Variants in SCAF8 observed in about 807,000 individuals in gnomAD.
SCAF8 encodes SR-related and CTD-associated factor 8.
Under a neutral mutation model 140.5 loss-of-function variants are expected in SCAF8, and 23 were observed. The ratio of observed to expected loss-of-function variants is 0.16; its 90% CI spans 0.12 to 0.23. The LOEUF (loss-of-function observed/expected upper bound fraction) is 0.23. Ranked by LOEUF, SCAF8 falls within the 10% of genes least tolerant of loss-of-function variation. The pLI, the probability that SCAF8 is intolerant of heterozygous loss-of-function variation, is 1.00. For synonymous variants in SCAF8, 575 were observed against 528.9 expected, an observed-to-expected ratio of 1.09 and a Z score of -1.20; for missense variants, 1,397 against 1,555.7, an observed-to-expected ratio of 0.90 and a Z score of 1.72.
At chr6:154,736,265 CTTTTTTTTTT>C (rs71021071) in intron 1 of SCAF8, among the ~76,000 whole-genome samples, 5 of 78,442 alleles carry the variant, frequency 6.4e-5, no homozygotes, top group South Asian at 4.8e-4. Context: ...CCATCCAAGA[CTTTTTTTTTT>C]TTTTTTTTTT....
chr6:154,828,988 T>G (rs2114693185), intron 18 of SCAF8, among the ~76,000 whole-genome samples: 1 of 150,882 alleles, frequency 6.6e-6, no homozygotes, highest in African/African-American at 2.5e-5. Flanking sequence ...AAGATTTTTC[T>G]GCCACTTTTT....
At position 154,794,779 on chromosome 6, in the gene SCAF8, GGGTGTGT is replaced by G. The variant is rs1777544209; in HGVS notation, c.476-228_476-222del. Among the ~76,000 whole-genome samples, 6 of 26,378 alleles carry G rather than the reference GGGTGTGT, an allele frequency of 2.3e-4. 1 individual carries two copies. Among genetic ancestry groups the G allele is most frequent in the African/African-American group, 5.4e-4 (3 of 5,602 alleles). The allele number at this position is 26,378 out of a possible 152,430, so 17.3% of individuals were successfully genotyped here. On this transcript the variant is annotated intron_variant, in intron 5 of 19. Coordinates refer to ENST00000367178, the MANE Select transcript of SCAF8 (RefSeq NM_014892.5). The stretch of plus-strand genomic sequence containing the variant: ...TTTGGTGGGGGGGGGGGGGTGTGGG[GGGTGTGT>G]GTGTGTGTGTGTGTGTGTGTGTGTG...
At chr6:154,783,351 C>T (rs1325655651) in intron 3 of SCAF8, among the ~76,000 whole-genome samples, 5 of 152,060 alleles carry the variant, frequency 3.3e-5, no homozygotes, top group Admixed American at 3.3e-4. Flanking sequence ...CAGTGAAATA[C>T]ATTCTATGGT....
intron 1 of SCAF8, among the ~76,000 whole-genome samples, chr6:154,760,838 C>T (rs976934774): frequency 7.9e-5 from 12 of 152,144 alleles, no homozygotes; most frequent in African/African-American, 1.7e-4. Flanking sequence ...GGCTGGAGTG[C>T]AGTGGCATGG....
At chr6:154,812,102 TAAAA>T (rs980887931) in intron 12 of SCAF8, among the ~76,000 whole-genome samples, 1 of 150,528 alleles carries the variant, frequency 6.6e-6, no homozygotes, top group Non-Finnish European at 1.5e-5. Flanking sequence ...AGCACGTGAA[TAAAA>T]AACGCATAAC....
intron 4 of SCAF8, among the ~76,000 whole-genome samples, chr6:154,791,945 A>C (rs1777431969): frequency 6.6e-6 from 1 of 152,074 alleles, no homozygotes; most frequent in Admixed American, 6.6e-5. Context: ...AAGAAGAGTA[A>C]ATGAGATGGT....
chr6:154,748,713 G>T (rs769002877), intron 1 of SCAF8, among the ~76,000 whole-genome samples: 4 of 152,162 alleles, frequency 2.6e-5, no homozygotes, highest in Non-Finnish European at 4.4e-5. Flanking sequence ...GTTTTTAGAA[G>T]CCTGTCTCTG....
intron 16 of SCAF8, among the ~76,000 whole-genome samples, chr6:154,822,689 G>A (rs890669162): frequency 1.1e-4 from 17 of 152,104 alleles, no homozygotes; most frequent in African/African-American, 3.4e-4. Flanking sequence ...TTTCTGAGGA[G>A]TCAAATTGAT....
intron 4 of SCAF8, among the ~76,000 whole-genome samples, chr6:154,789,460 C>G (rs1254435587): frequency 6.6e-6 from 1 of 151,928 alleles, no homozygotes; most frequent in Non-Finnish European, 1.5e-5. Flanking sequence ...CTTGAATATA[C>G]TCCTTGAGAC....
chr6:154,773,425 C>G (rs530031960), intron 1 of SCAF8, among the ~76,000 whole-genome samples: 1 of 152,190 alleles, frequency 6.6e-6, no homozygotes, highest in East Asian at 1.9e-4. Context: ...CGAATAGATA[C>G]ATTTGTTTAC....
chr6:154,818,464 A>G lies in SCAF8; in HGVS notation c.1522-15A>G. The G allele has an allele frequency of 6.7e-7, 1 of 1,498,504 alleles. No individual in the cohort carries two copies. Among genetic ancestry groups the G allele is most frequent in the South Asian group, 1.2e-5 (1 of 81,328 alleles). The allele number at this position is 1,498,504 out of a possible 1,614,324, so 92.8% of individuals were successfully genotyped here. The stretch of plus-strand genomic sequence containing the variant: ...CTGTTCTTATACCTTTTCTTAAAAC[A>G]ATTTTTTTTATTAGATGATTCCTCC... On this transcript the variant is annotated splice_polypyrimidine_tract_variant and intron_variant, in intron 13 of 19. Transcript: ENST00000367178.
intron 3 of SCAF8, among the ~76,000 whole-genome samples, chr6:154,779,636 C>T (rs988272408): frequency 1.3e-5 from 2 of 152,032 alleles, no homozygotes; most frequent in African/African-American, 4.8e-5. Context: ...GTTACTCTAT[C>T]GTGAGATAAT....
chr6:154,767,241 A>G (rs1776602441), intron 1 of SCAF8, among the ~76,000 whole-genome samples: 2 of 152,178 alleles, frequency 1.3e-5, no homozygotes, highest in Non-Finnish European at 2.9e-5. Flanking sequence ...GGCTCAGGTT[A>G]GCAGCTTTAT....
In SCAF8 at chr6:154,832,982, G is replaced by A. The variant is rs183408859; in HGVS notation, c.3403G>A (p.Gly1135Ser). ...SGNYRFDPRS[G>S]PWNRGFGQEV... ...AAACTATCGATTTGATCCTAGAAGT[G>A]GTCCTTGGAACCGAGGATTTGGACA... Residue 1135 changes from glycine to serine, a missense_variant, in exon 20 of 20, where the codon GGT becomes AGT. Coordinates refer to ENST00000367178, the MANE Select transcript of SCAF8 (RefSeq NM_014892.5). 83 of 1,614,076 alleles carry A rather than the reference G, an allele frequency of 5.1e-5. No homozygotes were observed. The East Asian group carries it at 1.8e-3, about 36-fold the overall frequency.
At chr6:154,823,985 ACC>A (rs1337755863) in intron 16 of SCAF8, among the ~76,000 whole-genome samples, 1 of 152,184 alleles carries the variant, frequency 6.6e-6, no homozygotes, top group Non-Finnish European at 1.5e-5. Flanking sequence ...GAACTAGGTG[ACC>A]ATTAGTTTAC....
chr6:154,776,906 C>T (rs977043238), intron 2 of SCAF8, among the ~76,000 whole-genome samples: 1 of 152,194 alleles, frequency 6.6e-6, no homozygotes, highest in Non-Finnish European at 1.5e-5. Flanking sequence ...GAAGGCTGGG[C>T]GCAGTGGCTC....
chr6:154,741,312 A>T (rs911985504), intron 1 of SCAF8, among the ~76,000 whole-genome samples: 1 of 152,194 alleles, frequency 6.6e-6, no homozygotes, highest in African/African-American at 2.4e-5. Flanking sequence ...CAATTATTTC[A>T]TTCTAGACTA....
chr6:154,763,802 G>C (rs1179504002), intron 1 of SCAF8, among the ~76,000 whole-genome samples: 1 of 152,050 alleles, frequency 6.6e-6, no homozygotes, highest in Non-Finnish European at 1.5e-5. Context: ...TCCAGGGGCT[G>C]GCCTGGTTTT....
chr6:154,814,872 T>C (rs1367777528), intron 12 of SCAF8, among the ~76,000 whole-genome samples: 2 of 152,176 alleles, frequency 1.3e-5, no homozygotes, highest in Non-Finnish European at 2.9e-5. Flanking sequence ...GTTAAGGGGT[T>C]CTGATTTGGC....
Sources: gnomAD v4.1 joint callset for allele counts (sites outside exome capture counted in the v4.1 genomes callset) on GRCh38, gnomAD v4.1.1 for gene constraint, MANE v1.5 for transcripts, NCBI Gene and HGNC (gene_info 2026-07-23, HGNC 2026-07-21) for gene names.